The following TMEM201 variants were observed in gnomAD, a reference collection of about 807,000 sequenced individuals.
TMEM201 encodes the protein RP13-15M17.2.
Under a neutral mutation model 63.4 loss-of-function variants are expected in TMEM201, and 26 were observed. The ratio of observed to expected loss-of-function variants is 0.41; its 90% CI spans 0.30 to 0.57. The LOEUF is 0.57. TMEM201 is among the 20% of genes least tolerant of loss of function. TMEM201 has a pLI of 0.29. For missense variants in TMEM201, 794 were observed against 917.7 expected (o/e 0.87, Z 1.74); for synonymous variants, 417 against 421.6 (o/e 0.99, Z 0.14).
intron 4 of TMEM201, 131 bp downstream of exon 4, chr1:9,598,756 A>G (rs1017535474): frequency 1.3e-4 from 119 of 899,302 alleles, no homozygotes; most frequent in Non-Finnish European, 1.7e-4. Flanking sequence ...ATTTTATTTT[A>G]TTTTATTTTT....
At chr1:9,601,816 G>A (rs934071247) in intron 5 of TMEM201, among the ~76,000 whole-genome samples, 3 of 152,128 alleles carry the variant, frequency 2.0e-5, no homozygotes, top group East Asian at 1.9e-4. Flanking sequence ...TGTCCCCGTC[G>A]CCCCTGCTCA....
chr1:9,597,138 G>A (rs1644040561), intron 3 of TMEM201, 85 bp downstream of exon 3: 5 of 1,455,714 alleles, frequency 3.4e-6, no homozygotes, highest in South Asian at 1.3e-5. Flanking sequence ...GCAGGGTGCT[G>A]ACTCTGGTCC....
Position 9,613,113 on chromosome 1 carries a change from A to C in TMEM201, c.*30A>C. 1 of 1,545,270 alleles carries C rather than the reference A, an allele frequency of 6.5e-7. No homozygotes were observed. Among genetic ancestry groups the C allele is most frequent in the South Asian group, 1.2e-5 (1 of 83,998 alleles). On this transcript the variant is annotated 3_prime_UTR_variant, in exon 11 of 11. Coordinates refer to ENST00000340381, the MANE Select transcript of TMEM201 (RefSeq NM_001130924.3). Reference sequence around the variant, plus strand: ...CCGTTGGAGCCCCTCGGAGGGGAGCAACCCGGTGCCTGCTGCTTCACCACT... The same window carrying C: ...CCGTTGGAGCCCCTCGGAGGGGAGCCACCCGGTGCCTGCTGCTTCACCACT...
intron 6 of TMEM201, 26 bp downstream of exon 6, chr1:9,602,298 G>C: frequency 1.9e-6 from 3 of 1,608,320 alleles, no homozygotes; most frequent in Non-Finnish European, 2.5e-6. Context: ...ATGACTGCGG[G>C]GGGAGGACAC....
Position 9,607,458 on chromosome 1 carries a change from C to G in TMEM201, c.1161-99C>G. The G allele has an allele frequency of 1.1e-6, 1 of 904,754 alleles. No homozygotes were observed. Among genetic ancestry groups the G allele is most frequent in the Non-Finnish European group, 1.6e-6 (1 of 609,300 alleles). 56.0% of individuals were successfully genotyped at this position (904,754 alleles called of 1,614,324 possible). A position where few individuals can be genotyped will look rare whatever the true frequency, so the allele number is the denominator to read the frequency against. On this transcript the variant is annotated intron_variant, in intron 6 of 10. Coordinates refer to ENST00000340381, the MANE Select transcript of TMEM201 (RefSeq NM_001130924.3). This position sits in a 1 kb window ranked among gnomAD's most constrained non-coding sequence, Gnocchi z 5.4. Reference sequence around the variant, plus strand: ...CCTCTGGGACCCCAGCTGAGGCCCCCACCTTGCACTGTGGGAGAGGGGTGG... The same window carrying G: ...CCTCTGGGACCCCAGCTGAGGCCCCGACCTTGCACTGTGGGAGAGGGGTGG...
Position 9,601,442 on chromosome 1 carries a change from C to A in TMEM201, c.944C>A (p.Ala315Asp). ...LLTCLLAMLL[A>D]GRIRLRRIDA... is the part of the protein sequence containing the mutation. ...ACCTGCCTGCTGGCAATGCTGCTGG[C>A]TGGCCGCATCAGGTGTGCATGGGGC... is the stretch of plus-strand genomic sequence containing the variant. Residue 315 changes from alanine to aspartate, a missense_variant, in exon 5 of 11, where the codon GCT (alanine) becomes GAT (aspartate). Ala to Asp is a moderately radical substitution (Grantham distance 126). Transcript: ENST00000340381. 6.3e-7 allele frequency: 1 copy of A among 1,586,154 alleles called. No homozygotes were observed. Among genetic ancestry groups the A allele is most frequent in the South Asian group, 1.1e-5 (1 of 89,586 alleles).
In TMEM201 at chr1:9,607,482, G is replaced by A. The variant is rs1644262255; in HGVS notation, c.1161-75G>A. On this transcript the variant is annotated intron_variant, in intron 6 of 10. Transcript: ENST00000340381. The surrounding 1 kb of genome is among the most constrained non-coding windows in gnomAD (Gnocchi z 5.4). The stretch of plus-strand genomic sequence containing the variant: ...CCACCTTGCACTGTGGGAGAGGGGT[G>A]GGACCCACTGCAAGGCTGCCTCCAG... 8.4e-7 allele frequency: 1 copy of A among 1,188,636 alleles called. No homozygotes were observed. Among genetic ancestry groups the A allele is most frequent in the Middle Eastern group, 2.1e-4 (1 of 4,798 alleles). 73.6% of individuals were successfully genotyped at this position (1,188,636 alleles called of 1,614,324 possible).
chr1:9,596,138 C>T (rs763737026), intron 2 of TMEM201, 128 bp downstream of exon 2: 184 of 1,213,304 alleles, frequency 1.5e-4, no homozygotes, highest in Non-Finnish European at 2.0e-4. Flanking sequence ...ATACCCTGTC[C>T]TCTCCAGGCC....
At chr1:9,599,601 C>T (rs762120668) in intron 4 of TMEM201, among the ~76,000 whole-genome samples, 5 of 151,166 alleles carry the variant, frequency 3.3e-5, no homozygotes, top group Non-Finnish European at 5.9e-5. Context: ...ACCAAAAATT[C>T]CTATTGTGAG....
At chr1:9,609,247 C>A (rs1644287909) in intron 7 of TMEM201, among the ~76,000 whole-genome samples, 1 of 152,228 alleles carries the variant, frequency 6.6e-6, no homozygotes, top group Non-Finnish European at 1.5e-5. Flanking sequence ...CTGCAACAGA[C>A]CCTTCAGAGC....
rs1644309519 is a variant in TMEM201, at chr1:9,610,609, C to T, written c.1569C>T (p.His523=). The T allele has an allele frequency of 2.6e-6, 4 of 1,550,618 alleles. No individual in the cohort carries two copies. The highest frequency in any genetic ancestry group is 3.5e-6 in the Non-Finnish European group (4 of 1,146,910). The change falls in exon 9 of 11, where the codon CAC becomes CAT. Residue 523 remains histidine (H), a synonymous_variant. Transcript: ENST00000340381. This position sits in a 1 kb window ranked among gnomAD's most constrained non-coding sequence, Gnocchi z 4.9. ...SVASSSGSLR[H]RRPLISPARL... ...CCTCCAGCTCCGGCTCTCTGCGCCACCGCAGGCCCCTCATCAGCCCTGCCC... is the reference window on the plus strand; with the variant it reads ...CCTCCAGCTCCGGCTCTCTGCGCCATCGCAGGCCCCTCATCAGCCCTGCCC...
At position 9,607,300 on chromosome 1, in the gene TMEM201, T is replaced by C. The variant is rs1161098393; in HGVS notation, c.1161-257T>C. ...TTAATACCGAGACTCGTAGTGGAGATAGTTTGCTGTGAGCCGAGGGGGTAG... is the reference window on the plus strand; with the variant it reads ...TTAATACCGAGACTCGTAGTGGAGACAGTTTGCTGTGAGCCGAGGGGGTAG... On this transcript the variant is annotated intron_variant, in intron 6 of 10. Coordinates refer to ENST00000340381, the MANE Select transcript of TMEM201 (RefSeq NM_001130924.3). The surrounding 1 kb of genome is among the most constrained non-coding windows in gnomAD (Gnocchi z 5.4). 6.6e-6 allele frequency among the ~76,000 whole-genome samples: 1 copy of C among 151,086 alleles called. No homozygotes were observed. Among genetic ancestry groups the C allele is most frequent in the Non-Finnish European group, 1.5e-5 (1 of 67,772 alleles).
intron 10 of TMEM201, 64 bp downstream of exon 10, chr1:9,611,954 A>T (rs1644330512): frequency 1.4e-6 from 2 of 1,463,572 alleles, no homozygotes; most frequent in Admixed American, 2.6e-5. Flanking sequence ...CATCTCCCCC[A>T]GGGGGGTCCA....
Position 9,604,312 on chromosome 1 carries a change from C to G in TMEM201, c.1160+2040C>G, listed in dbSNP as rs1644203861. On this transcript the variant is annotated intron_variant, in intron 6 of 10. Coordinates refer to ENST00000340381, the MANE Select transcript of TMEM201 (RefSeq NM_001130924.3). This position sits in a 1 kb window ranked among gnomAD's most constrained non-coding sequence, Gnocchi z 4.1. Reference sequence around the variant, plus strand: ...ATCCTCCTGCCGAGCTGATGTCGCTCCTGCCCTCTGCCGGGGTCCGGAAGC... The same window carrying G: ...ATCCTCCTGCCGAGCTGATGTCGCTGCTGCCCTCTGCCGGGGTCCGGAAGC... The G allele has an allele frequency of 1.3e-5, 13 of 985,454 alleles. No individual in the cohort carries two copies. The highest frequency in any genetic ancestry group is 1.6e-5 in the Non-Finnish European group (13 of 829,936). 61.0% of individuals were successfully genotyped at this position (985,454 alleles called of 1,614,324 possible).
intron 7 of TMEM201, among the ~76,000 whole-genome samples, chr1:9,609,307 T>C (rs1644288775): frequency 6.6e-6 from 1 of 152,166 alleles, no homozygotes; most frequent in Non-Finnish European, 1.5e-5. Flanking sequence ...CACATTCAGC[T>C]CTCAGCCAGC....
chr1:9,607,861 T>C lies in TMEM201; in HGVS notation c.1393+72T>C. The C allele has an allele frequency of 1.4e-6, 2 of 1,396,712 alleles. No homozygotes were observed. The highest frequency in any genetic ancestry group is 1.3e-5 in the South Asian group (1 of 75,564). The allele number at this position is 1,396,712 out of a possible 1,614,324, so 86.5% of individuals were successfully genotyped here. A position where few individuals can be genotyped will look rare whatever the true frequency, so the allele number is the denominator to read the frequency against. On this transcript the variant is annotated intron_variant, in intron 7 of 10. Transcript: ENST00000340381. This position sits in a 1 kb window ranked among gnomAD's most constrained non-coding sequence, Gnocchi z 5.4. ...TGGGACAGAACTGTGGATGGGTACA[T>C]AGTGTAGGGAGGGCCGGGAGTGGTT...
At position 9,610,748 on chromosome 1, in the gene TMEM201, A is replaced by G; in HGVS notation, c.1708A>G (p.Met570Val). Residue 570 changes from methionine to valine, a missense_variant, in exon 9 of 11, where the codon ATG becomes GTG. Coordinates refer to ENST00000340381, the MANE Select transcript of TMEM201 (RefSeq NM_001130924.3). The surrounding 1 kb of genome is among the most constrained non-coding windows in gnomAD (Gnocchi z 4.9). ...HSPHNGSLFTMEPPHVPRKPP... is the reference protein window; with the variant it reads ...HSPHNGSLFTVEPPHVPRKPP... ...GCCTCACAACGGCAGCCTCTTCACC[A>G]TGGAGCCGCCCCATGTTCCCCGGAA... 1 of 1,549,782 alleles carries G rather than the reference A, an allele frequency of 6.5e-7. No individual in the cohort carries two copies. The highest frequency in any genetic ancestry group is 8.7e-7 in the Non-Finnish European group (1 of 1,146,400).
chr1:9,601,192 G>A lies in TMEM201; in HGVS notation c.694G>A (p.Ala232Thr), dbSNP rs200961879. Reference sequence around the variant, plus strand: ...GGCCTGCGCCTTCCTACTGACCACCGCGCTGTATGGGGCCAGCGGACACTT... The same window carrying A: ...GGCCTGCGCCTTCCTACTGACCACCACGCTGTATGGGGCCAGCGGACACTT... ...FLACAFLLTT[A>T]LYGASGHFAP... Residue 232 changes from alanine (A) to threonine (T), a missense_variant, in exon 5 of 11, where the codon GCG (alanine) becomes ACG (threonine). Coordinates refer to ENST00000340381, the MANE Select transcript of TMEM201 (RefSeq NM_001130924.3). 6.2e-5 allele frequency: 100 copies of A among 1,612,788 alleles called. No individual in the cohort carries two copies. The highest frequency in any genetic ancestry group is 2.8e-4 in the Admixed American group (17 of 59,990).
At chr1:9,601,676 G>A (rs1201371450) in intron 5 of TMEM201, among the ~76,000 whole-genome samples, 6 of 152,154 alleles carry the variant, frequency 3.9e-5, no homozygotes, top group Admixed American at 6.5e-5. Context: ...GGGCTGGGCC[G>A]GGTTGCCTCC....
Sources: gnomAD v4.1 joint callset for allele counts (sites outside exome capture counted in the v4.1 genomes callset) on GRCh38, gnomAD v4.1.1 for gene constraint, Gnocchi (gnomAD v3.1) non-coding constraint, MANE v1.5 for transcripts, NCBI Gene and HGNC (gene_info 2026-07-23, HGNC 2026-07-21) for gene names.